The following IL1RAPL1 variants were observed in gnomAD, a reference collection of about 807,000 sequenced individuals.
IL1RAPL1 encodes the protein interleukin-1 receptor accessory protein-like 1.
In IL1RAPL1, 3 loss-of-function variants were observed where a neutral mutation model predicts 48.4. That is an observed-to-expected ratio of 0.06 (90% CI 0.03 to 0.16). The LOEUF (loss-of-function observed/expected upper bound fraction) is 0.16. Among genes scored for constraint, IL1RAPL1 ranks in the 10% least tolerant of loss-of-function variants. IL1RAPL1 has a pLI of 1.00. For synonymous variants in IL1RAPL1, 185 were observed against 187.7 expected (o/e 0.99, Z 0.12); for missense variants, 349 against 530.6 (o/e 0.66, Z 3.36).
intron 6 of IL1RAPL1, among the ~76,000 whole-genome samples, chrX:29,720,130 T>C (rs1927598041): frequency 9.0e-6 from 1 of 111,470 alleles, no homozygotes; most frequent in Admixed American, 9.6e-5. Flanking sequence ...TGTGGAGAAA[T>C]AGGAATGCTT....
intron 2 of IL1RAPL1, among the ~76,000 whole-genome samples, chrX:29,118,218 T>C (rs1476315033): frequency 8.9e-6 from 1 of 112,422 alleles, no homozygotes; most frequent in Admixed American, 9.5e-5. Flanking sequence ...AGCAGTGAGA[T>C]ATTGATAATA....
chrX:29,863,504 G>A (rs1009309530), intron 6 of IL1RAPL1, among the ~76,000 whole-genome samples: 3 of 111,559 alleles, frequency 2.7e-5, no homozygotes, highest in Non-Finnish European at 5.7e-5. Context: ...AACATTATAA[G>A]GAATAACATT....
chrX:29,625,933 A>G (rs1924603986), intron 5 of IL1RAPL1, among the ~76,000 whole-genome samples: 1 of 111,648 alleles, frequency 9.0e-6, no homozygotes, highest in Non-Finnish European at 1.9e-5. Context: ...GCCATATCCT[A>G]AAAAGATTCG....
chrX:29,021,106 C>T (rs938661512), intron 2 of IL1RAPL1, among the ~76,000 whole-genome samples: 2 of 107,689 alleles, frequency 1.9e-5, no homozygotes, highest in African/African-American at 6.8e-5. Flanking sequence ...CACCTGTAGT[C>T]CCAGGCTGAG....
rs749561222 is a variant in IL1RAPL1, at chrX:29,556,824, A to C, written c.704-111606A>C. Among the ~76,000 whole-genome samples the C allele has an allele frequency of 2.5e-3, 275 of 111,575 alleles. 1 individual carries two copies. Among genetic ancestry groups the C allele is most frequent in the Non-Finnish European group, 3.7e-3 (194 of 53,140 alleles). On this transcript the variant is annotated intron_variant, in intron 5 of 10. Transcript: ENST00000378993. Reference sequence around the variant, plus strand: ...GATTTTTATGAAGATATATTCTCAGAATTCTTTAAATTAGTGGTTCTCAAT... The same window carrying C: ...GATTTTTATGAAGATATATTCTCAGCATTCTTTAAATTAGTGGTTCTCAAT...
In IL1RAPL1 at chrX:28,587,805, A is replaced by G. The variant is rs1162694830; in HGVS notation, c.-267A>G. The G allele has an allele frequency of 3.6e-5, 4 of 109,746 alleles. No individual in the cohort carries two copies. The highest frequency in any genetic ancestry group is 2.9e-4 in the Admixed American group (3 of 10,221). The allele number at this position is 109,746 out of a possible 1,213,427, so 9.0% of individuals were successfully genotyped here. A position where few individuals can be genotyped will look rare whatever the true frequency, so the allele number is the denominator to read the frequency against. On this transcript the variant is annotated 5_prime_UTR_variant, in exon 1 of 11. Transcript: ENST00000378993. ...CACCTGGATTGTATCTTCAGCAAAC[A>G]ATCGGGCACTTTGAGAACTAACTGG... is the stretch of plus-strand genomic sequence containing the variant.
At chrX:29,240,260 A>T (rs1931398632) in intron 2 of IL1RAPL1, among the ~76,000 whole-genome samples, 1 of 62,858 alleles carries the variant, frequency 1.6e-5, no homozygotes, top group Non-Finnish European at 2.5e-5. Flanking sequence ...TTTGAGGCAG[A>T]GTCTCACTCA....
chrX:29,252,818 G>C (rs1416177082), intron 2 of IL1RAPL1, among the ~76,000 whole-genome samples: 1 of 111,015 alleles, frequency 9.0e-6, no homozygotes, highest in Non-Finnish European at 1.9e-5. Flanking sequence ...CATATACCAA[G>C]AGAAAACTTA....
chrX:29,177,269 C>T (rs1360008957), intron 2 of IL1RAPL1, among the ~76,000 whole-genome samples: 3 of 111,872 alleles, frequency 2.7e-5, no homozygotes, highest in Non-Finnish European at 5.6e-5. Context: ...GCTTTAATCA[C>T]TTGTTTTATT....
chrX:29,401,960 C>G, intron 5 of IL1RAPL1, among the ~76,000 whole-genome samples: 1 of 109,640 alleles, frequency 9.1e-6, no homozygotes, highest in South Asian at 3.9e-4. Flanking sequence ...GTGGTGCAAT[C>G]TTGGCTCACT....
intron 3 of IL1RAPL1, among the ~76,000 whole-genome samples, chrX:29,319,270 C>T (rs1932785045): frequency 9.3e-6 from 1 of 107,979 alleles, no homozygotes; most frequent in East Asian, 2.9e-4. Context: ...CGGCTCACAG[C>T]AGACTCCATC....
chrX:29,561,584 T>C (rs1351055403), intron 5 of IL1RAPL1, among the ~76,000 whole-genome samples: 2 of 111,995 alleles, frequency 1.8e-5, no homozygotes, highest in Non-Finnish European at 3.8e-5. Context: ...CTAGCTATGC[T>C]TTCACTTTCC....
At chrX:29,552,586 A>G (rs1312083219) in intron 5 of IL1RAPL1, among the ~76,000 whole-genome samples, 3 of 111,319 alleles carry the variant, frequency 2.7e-5, no homozygotes, top group Admixed American at 1.9e-4. Flanking sequence ...ATACATTCAC[A>G]TTGTTGTGCA....
At chrX:28,930,851 C>CAG (rs890007445) in intron 2 of IL1RAPL1, among the ~76,000 whole-genome samples, 1 of 110,798 alleles carries the variant, frequency 9.0e-6, no homozygotes, top group African/African-American at 3.3e-5. Flanking sequence ...CCGTGTTAGC[C>CAG]AGGATGGTCT....
At chrX:29,461,565 G>C (rs1202231313) in intron 5 of IL1RAPL1, among the ~76,000 whole-genome samples, 1 of 111,236 alleles carries the variant, frequency 9.0e-6, no homozygotes, top group East Asian at 2.8e-4. Flanking sequence ...GTAATTTAAT[G>C]TTTAGACTAG....
chrX:29,218,734 C>T (rs748705991), intron 2 of IL1RAPL1, among the ~76,000 whole-genome samples: 1 of 111,845 alleles, frequency 8.9e-6, no homozygotes, highest in East Asian at 2.8e-4. Context: ...TCAAAGAAGG[C>T]AAAGAATATT....
chrX:29,224,395 G>A (rs1931040288), intron 2 of IL1RAPL1, among the ~76,000 whole-genome samples: 1 of 111,083 alleles, frequency 9.0e-6, no homozygotes, highest in South Asian at 3.8e-4. Flanking sequence ...AAAAAAAGAT[G>A]ACTTTTGTCC....
chrX:29,883,271 G>T (rs767932330), intron 6 of IL1RAPL1, among the ~76,000 whole-genome samples: 16 of 110,075 alleles, frequency 1.5e-4, no homozygotes, highest in Admixed American at 1.9e-4. Context: ...ATTGACCACC[G>T]AGCACAACCT....
At chrX:29,653,380 A>G (rs1047674936) in intron 5 of IL1RAPL1, among the ~76,000 whole-genome samples, 1 of 111,535 alleles carries the variant, frequency 9.0e-6, no homozygotes, top group Non-Finnish European at 1.9e-5. Context: ...CTTTCTTTTG[A>G]CAACATGAGT....
Sources: gnomAD v4.1 joint callset for allele counts (sites outside exome capture counted in the v4.1 genomes callset) on GRCh38, gnomAD v4.1.1 for gene constraint, MANE v1.5 for transcripts, NCBI Gene and HGNC (gene_info 2026-07-23, HGNC 2026-07-21) for gene names.